The following NBPF8 variants were observed in gnomAD, a reference collection of about 807,000 sequenced individuals.
NBPF8 encodes NBPF member 8.
chr1:120,436,598 C>T (rs1661090070), exon 1 of NBPF8: 8 of 1,607,412 alleles, frequency 5.0e-6, no homozygotes, highest in Non-Finnish European at 6.8e-6. Context: ...GAAATTGCGC[C>T]CCCAGTTGGC....
upstream of NBPF8, among the ~76,000 whole-genome samples, chr1:120,416,083 A>G (rs1448193143): frequency 1.3e-5 from 2 of 152,212 alleles, no homozygotes; most frequent in African/African-American, 2.4e-5. Flanking sequence ...AATGAATCCC[A>G]GTGCTTCACG....
At chr1:120,459,762 A>G (rs1412291308) in intron 17 of NBPF8, among the ~76,000 whole-genome samples, 2 of 152,200 alleles carry the variant, frequency 1.3e-5, no homozygotes, top group African/African-American at 4.8e-5. Flanking sequence ...GCCAACCTGG[A>G]CTGACTGTCA....
chr1:120,454,214 C>T (rs1187829917), intron 15 of NBPF8, 100 bp downstream of exon 13: 65 of 1,500,552 alleles, frequency 4.3e-5, no homozygotes, highest in South Asian at 1.3e-4. Flanking sequence ...GAATAAAAAA[C>T]TGTGATGGGT....
At chr1:120,419,670 G>C (rs1390977642), upstream of NBPF8, among the ~76,000 whole-genome samples, 1 of 142,868 alleles carries the variant, frequency 7.0e-6, no homozygotes, top group East Asian at 2.1e-4. Flanking sequence ...CTATGTTGCC[G>C]AGGCTGGTGA....
upstream of NBPF8, among the ~76,000 whole-genome samples, chr1:120,418,879 A>G (rs1184795302): frequency 6.6e-6 from 1 of 151,724 alleles, no homozygotes; most frequent in Non-Finnish European, 1.5e-5. Context: ...ATGTTTTTCT[A>G]ATTTAAAAGA....
At chr1:120,464,852 T>C (rs1661701382) in intron 23 of NBPF8, among the ~76,000 whole-genome samples, 2 of 122,144 alleles carry the variant, frequency 1.6e-5, no homozygotes, top group African/African-American at 6.3e-5. Flanking sequence ...CAAGGGTTTG[T>C]AGATTTCCTT....
At chr1:120,429,550 T>A (rs1660818861) in intron 3 of NBPF8, among the ~76,000 whole-genome samples, 1 of 151,952 alleles carries the variant, frequency 6.6e-6, no homozygotes, top group Non-Finnish European at 1.5e-5. Flanking sequence ...GCGGGAGGGA[T>A]TTCCTTGAGA....
At chr1:120,461,936 C>T (rs1661602711) in intron 19 of NBPF8, among the ~76,000 whole-genome samples, 1 of 100,806 alleles carries the variant, frequency 9.9e-6, no homozygotes, top group African/African-American at 4.2e-5. Context: ...AACGATCTAC[C>T]AGAATAGGGA....
chr1:120,415,611 C>G (rs1553245057), upstream of NBPF8, among the ~76,000 whole-genome samples: 50 of 152,300 alleles, frequency 3.3e-4, no homozygotes, highest in African/African-American at 1.2e-3. Flanking sequence ...ACCCCACCCT[C>G]GAGGCCAGAA....
At chr1:120,468,452 G>T (rs1291451185), downstream of NBPF8, among the ~76,000 whole-genome samples, 288 of 140,134 alleles carry the variant, frequency 2.1e-3, 6 homozygotes, top group Admixed American at 0.014. Context: ...GATATAAGGT[G>T]CTTGCCCAAA....
intron 1 of NBPF8, among the ~76,000 whole-genome samples, chr1:120,425,265 G>A (rs1660690068): frequency 6.6e-6 from 1 of 151,896 alleles, no homozygotes; most frequent in African/African-American, 2.4e-5. Flanking sequence ...CTCGTCCCTG[G>A]GCAATGGAAT....
upstream of NBPF8, among the ~76,000 whole-genome samples, chr1:120,434,556 T>A (rs1163892202): frequency 6.6e-6 from 1 of 150,788 alleles, no homozygotes; most frequent in Non-Finnish European, 1.5e-5. Flanking sequence ...CCGTCCTGTG[T>A]CCAAGTGTTC....
At chr1:120,415,761 A>G (rs1660419354), upstream of NBPF8, among the ~76,000 whole-genome samples, 3 of 152,198 alleles carry the variant, frequency 2.0e-5, no homozygotes, top group South Asian at 6.2e-4. Context: ...GCGCGTTTGT[A>G]GCCATCACTG....
upstream of NBPF8, among the ~76,000 whole-genome samples, chr1:120,434,221 G>GAA (rs1441221153): frequency 6.9e-6 from 1 of 144,118 alleles, no homozygotes; most frequent in African/African-American, 2.6e-5. Context: ...ACTTAAAAAA[G>GAA]AAAAAAATAT....
At chr1:120,454,637 G>A (rs1225831213) in intron 15 of NBPF8, among the ~76,000 whole-genome samples, 2 of 146,898 alleles carry the variant, frequency 1.4e-5, no homozygotes, top group African/African-American at 5.1e-5. Flanking sequence ...ATAAAGCAAG[G>A]CTGGACCCTG....
chr1:120,463,994 T>C (rs1236052956), intron 22 of NBPF8, among the ~76,000 whole-genome samples: 15 of 36,944 alleles, frequency 4.1e-4, no homozygotes, highest in African/African-American at 3.3e-3. Context: ...GCACATTTTA[T>C]GGAAAATTAT....
At chr1:120,465,914 C>T (rs1300008406) in intron 24 of NBPF8, 64 bp from the exon 23 acceptor site, 3 of 1,611,528 alleles carry the variant, frequency 1.9e-6, no homozygotes, top group East Asian at 2.2e-5. Flanking sequence ...CTTCTGAAAT[C>T]TAGTGGGGCT....
chr1:120,421,288 G>A (rs1660567807), intron 1 of NBPF8, among the ~76,000 whole-genome samples: 1 of 152,140 alleles, frequency 6.6e-6, no homozygotes, highest in Non-Finnish European at 1.5e-5. Context: ...TCCTGTTAAT[G>A]GAAAATACTG....
rs1379496124 is a variant in NBPF8, at chr1:120,452,104, C to T, written n.2075-13C>T. ...CTTTCCACTCTTAAATTTTCTCTAC[C>T]GTCTCACCTTAGGCAATATAAAGTC... On this transcript the variant is annotated splice_polypyrimidine_tract_variant and intron_variant and non_coding_transcript_variant, in intron 12 of 24. Coordinates refer to ENST00000583271, the Ensembl canonical transcript of NBPF8. 142 of 1,518,844 alleles carry T rather than the reference C, an allele frequency of 9.3e-5. No homozygotes were observed. Among genetic ancestry groups the T allele is most frequent in the Non-Finnish European group, 1.2e-4 (129 of 1,097,518 alleles). The allele number at this position is 1,518,844 out of a possible 1,614,324, so 94.1% of individuals were successfully genotyped here.
Sources: allele counts gnomAD v4.1 joint callset (sites outside exome capture counted in the v4.1 genomes callset), GRCh38; gene constraint gnomAD v4.1.1; transcripts MANE v1.5; gene names NCBI Gene and HGNC (gene_info 2026-07-23, HGNC 2026-07-21).